MKX: variants seen among roughly 807,000 people sequenced by gnomAD.
MKX encodes the protein homeobox protein Mohawk.
MKX carries 13 observed loss-of-function variants against 36.0 expected under a neutral mutation model. That is an observed-to-expected ratio of 0.36 (90% confidence interval 0.24 to 0.57). MKX has a LOEUF of 0.57. Ranked by LOEUF, MKX falls within the 20% of genes least tolerant of loss-of-function variation. The pLI is 0.79. For missense variants in MKX, 458 were observed against 456.4 expected (o/e 1.00, Z -0.03); for synonymous variants, 176 against 178.3 (o/e 0.99, Z 0.10).
Position 27,744,153 on chromosome 10 carries a change from G to T in MKX, c.-82-656C>A, listed in dbSNP as rs1017160469. 6.6e-6 allele frequency among the ~76,000 whole-genome samples: 1 copy of T among 152,006 alleles called. No homozygotes were observed. Among genetic ancestry groups the T allele is most frequent in the Non-Finnish European group, 1.5e-5 (1 of 68,006 alleles). Reference sequence around the variant, plus strand: ...GGAAAAAGTTAAGTGGCGTCAGGACGAAAGCACCACTTCTCCCCCTTCTCT... The same window carrying T: ...GGAAAAAGTTAAGTGGCGTCAGGACTAAAGCACCACTTCTCCCCCTTCTCT... On this transcript the variant is annotated intron_variant, in intron 1 of 6. Coordinates refer to ENST00000419761, the MANE Select transcript of MKX (RefSeq NM_173576.3). The surrounding 1 kb of genome is among the most constrained non-coding windows in gnomAD (Gnocchi z 5.6).
rs555413661 is a variant in MKX, at chr10:27,736,218, C to T, written c.349-844G>A. On this transcript the variant is annotated intron_variant, in intron 3 of 6. Coordinates refer to ENST00000419761, the MANE Select transcript of MKX (RefSeq NM_173576.3). ...AGAGATGAAAAAAGTGGGATCTGTT[C>T]GCTTCCAAAAGAGGCGTTAGCAAAA... Among the ~76,000 whole-genome samples, 10 of 152,176 alleles carry T rather than the reference C, an allele frequency of 6.6e-5. No homozygotes were observed. The East Asian group carries it at 1.4e-3, about 21-fold the overall frequency.
chr10:27,711,681 G>C (rs1836875433), intron 5 of MKX, among the ~76,000 whole-genome samples: 1 of 150,564 alleles, frequency 6.6e-6, no homozygotes, highest in Non-Finnish European at 1.5e-5. Flanking sequence ...AAGTGACCCT[G>C]CTGCCTCAAT....
chr10:27,733,278 T>C (rs1488053583), intron 5 of MKX, among the ~76,000 whole-genome samples: 7 of 152,176 alleles, frequency 4.6e-5, no homozygotes, highest in Non-Finnish European at 1.5e-5. Context: ...CGTTTGAAAA[T>C]CAGATTGCTG....
chr10:27,693,711 T>C (rs1193520696), intron 5 of MKX, among the ~76,000 whole-genome samples: 4 of 152,202 alleles, frequency 2.6e-5, no homozygotes, highest in African/African-American at 9.6e-5. Flanking sequence ...CACTAAAAGT[T>C]ACTGATTTAG....
chr10:27,682,977 C>T (rs1350170997), intron 5 of MKX, among the ~76,000 whole-genome samples: 2 of 148,714 alleles, frequency 1.3e-5, no homozygotes, highest in African/African-American at 5.0e-5. Context: ...GAGCTAGACT[C>T]GGTCTCGAAA....
chr10:27,698,929 A>T (rs547810149), intron 5 of MKX, among the ~76,000 whole-genome samples: 2 of 152,236 alleles, frequency 1.3e-5, no homozygotes, highest in Non-Finnish European at 2.9e-5. Context: ...CTTACCACAT[A>T]TATCTAAATA....
intron 1 of MKX, 111 bp from the exon 2 acceptor site, chr10:27,743,608 A>C: frequency 1.7e-6 from 1 of 589,848 alleles, no homozygotes; most frequent in South Asian, 2.6e-5. Flanking sequence ...CGAGGGGAGG[A>C]GCGGCGCCGC....
Position 27,743,333 on chromosome 10 carries a change from C to T in MKX, c.83G>A (p.Arg28Gln). Residue 28 changes from arginine (R) to glutamine (Q), a missense_variant, in exon 2 of 7, where the codon CGG becomes CAG. Physicochemically the swap from Arg to Gln is conservative, Grantham distance 43. Transcript: ENST00000419761. Reference protein sequence around the residue: ...GGASERERGGRPYSGVLDSPH... With the variant: ...GGASERERGGQPYSGVLDSPH... ...ACTGTCCAGGACACCGCTGTAGGGC[C>T]GGCCACCCCGCTCCCGCTCCGAGGC... 2.5e-6 allele frequency: 4 copies of T among 1,584,142 alleles called. No homozygotes were observed. The highest frequency in any genetic ancestry group is 3.4e-6 in the Non-Finnish European group (4 of 1,168,078).
chr10:27,734,128 A>G (rs1031381160), intron 5 of MKX, among the ~76,000 whole-genome samples: 5 of 152,024 alleles, frequency 3.3e-5, no homozygotes, highest in Admixed American at 1.3e-4. Context: ...GATTAAAATT[A>G]TTATAAAGAA....
chr10:27,694,755 G>A (rs1317075659), intron 5 of MKX, among the ~76,000 whole-genome samples: 3 of 150,652 alleles, frequency 2.0e-5, no homozygotes, highest in Admixed American at 6.6e-5. Context: ...TCCAGAACTA[G>A]ATGGTGAATG....
intron 5 of MKX, among the ~76,000 whole-genome samples, chr10:27,709,482 C>G (rs1836815865): frequency 6.6e-6 from 1 of 152,108 alleles, no homozygotes; most frequent in Non-Finnish European, 1.5e-5. Context: ...GTAGGGTAGT[C>G]AACATTTAAT....
intron 5 of MKX, among the ~76,000 whole-genome samples, chr10:27,677,424 A>G (rs1258383952): frequency 1.3e-5 from 2 of 152,220 alleles, no homozygotes; most frequent in African/African-American, 4.8e-5. Flanking sequence ...CAGAACTAGA[A>G]GAGGTCTGAG....
chr10:27,681,207 G>A (rs1836247978), intron 5 of MKX, among the ~76,000 whole-genome samples: 1 of 152,210 alleles, frequency 6.6e-6, no homozygotes, highest in South Asian at 2.1e-4. Context: ...AGCACTTTGG[G>A]AGGCTGAGGC....
At chr10:27,726,467 A>T (rs11594408) in intron 5 of MKX, among the ~76,000 whole-genome samples, 5 of 152,172 alleles carry the variant, frequency 3.3e-5, no homozygotes, top group Non-Finnish European at 7.4e-5. Flanking sequence ...TACTAGGTAA[A>T]CAATAAATCC....
Position 27,742,767 on chromosome 10 carries a change from A to AGGCGAGCCGCGGGGCTCT in MKX, c.188+443_188+460dup, listed in dbSNP as rs1834934577. 6.6e-6 allele frequency among the ~76,000 whole-genome samples: 1 copy of AGGCGAGCCGCGGGGCTCT among 152,020 alleles called. No individual in the cohort carries two copies. Among genetic ancestry groups the AGGCGAGCCGCGGGGCTCT allele is most frequent in the Admixed American group, 6.5e-5 (1 of 15,282 alleles). Reference sequence around the variant, plus strand: ...GGCGACCTTCCCGACTCCTTGGGCCAGGCGAGCCGCGGGGCTCTGGCGAGG... The same window carrying AGGCGAGCCGCGGGGCTCT: ...GGCGACCTTCCCGACTCCTTGGGCCAGGCGAGCCGCGGGGCTCTGGCGAGCCGCGGGGCTCTGGCGAGG... On this transcript the variant is annotated intron_variant, in intron 2 of 6. Transcript: ENST00000419761. The surrounding 1 kb of genome is among the most constrained non-coding windows in gnomAD (Gnocchi z 4.2).
chr10:27,734,326 A>G, intron 5 of MKX, 130 bp downstream of exon 5: 1 of 823,874 alleles, frequency 1.2e-6, no homozygotes. Flanking sequence ...CGAAAGCTTT[A>G]AAACTGAATT....
chr10:27,721,068 T>C (rs1318220642), intron 5 of MKX, among the ~76,000 whole-genome samples: 1 of 152,046 alleles, frequency 6.6e-6, no homozygotes, highest in Non-Finnish European at 1.5e-5. Flanking sequence ...ATGACCAGAA[T>C]AAATGGAGAA....
chr10:27,732,440 G>GTA (rs1353032013), intron 5 of MKX, among the ~76,000 whole-genome samples: 1 of 152,006 alleles, frequency 6.6e-6, no homozygotes, highest in East Asian at 1.9e-4. Context: ...ACTGTGCATA[G>GTA]TACTTCATCA....
At chr10:27,700,730 T>A (rs1220220919) in intron 5 of MKX, among the ~76,000 whole-genome samples, 1 of 152,192 alleles carries the variant, frequency 6.6e-6, no homozygotes, top group Non-Finnish European at 1.5e-5. Context: ...TCATTGCATT[T>A]CGTTAACAGC....
Sources: allele counts gnomAD v4.1 joint callset (sites outside exome capture counted in the v4.1 genomes callset), GRCh38; gene constraint gnomAD v4.1.1; non-coding constraint Gnocchi (gnomAD v3.1); transcripts MANE v1.5; gene names NCBI Gene and HGNC (gene_info 2026-07-23, HGNC 2026-07-21).